FAM193A: variants seen among roughly 807,000 people sequenced by gnomAD.
FAM193A encodes protein FAM193A.
Under a neutral mutation model 126.5 loss-of-function variants are expected in FAM193A, and 22 were observed. That is an observed-to-expected ratio of 0.17 (90% CI 0.12 to 0.25). FAM193A has a LOEUF of 0.25. Among genes scored for constraint, FAM193A ranks in the 10% least tolerant of loss-of-function variants. FAM193A has a pLI of 1.00. For synonymous variants in FAM193A, 761 were observed against 646.8 expected, an observed-to-expected ratio of 1.18 and a Z score of -2.68; for missense variants, 1,675 against 1,672.8, an observed-to-expected ratio of 1.00 and a Z score of -0.02.
chr4:2,620,896 C>T (rs1052538714), intron 2 of FAM193A, among the ~76,000 whole-genome samples: 1 of 150,868 alleles, frequency 6.6e-6, no homozygotes, highest in African/African-American at 2.4e-5. Flanking sequence ...CACCCAGATC[C>T]GTGAAGTGAA....
chr4:2,579,782 A>AT (rs1739815193), intron 1 of FAM193A, among the ~76,000 whole-genome samples: 1 of 152,180 alleles, frequency 6.6e-6, no homozygotes, highest in South Asian at 2.1e-4. Flanking sequence ...AAAATAACAG[A>AT]TGGTGGTGAG....
intron 20 of FAM193A, among the ~76,000 whole-genome samples, chr4:2,721,671 G>A (rs188964810): frequency 7.0e-4 from 106 of 152,314 alleles, no homozygotes; most frequent in African/African-American, 2.1e-3. Flanking sequence ...GTGAAGCGAC[G>A]GGAGTCCCTA....
At chr4:2,596,396 G>A (rs959708819) in intron 2 of FAM193A, 67 bp downstream of exon 2, 4 of 666,522 alleles carry the variant, frequency 6.0e-6, no homozygotes, top group Non-Finnish European at 8.2e-6. Flanking sequence ...GGGGTAACTG[G>A]CAGTGAAAGA....
chr4:2,630,849 G>GTATCATTAAAA, intron 4 of FAM193A, 86 bp from the exon 5 acceptor site: 14 of 738,942 alleles, frequency 1.9e-5, no homozygotes, highest in Admixed American at 4.8e-5. Flanking sequence ...GCCACCTGTG[G>GTATCATTAAAA]AAGGGCTTCA....
intron 1 of FAM193A, among the ~76,000 whole-genome samples, chr4:2,546,776 G>C (rs1004949678): frequency 4.6e-5 from 7 of 152,078 alleles, no homozygotes; most frequent in African/African-American, 1.7e-4. Flanking sequence ...AATTTTCTAG[G>C]TAAATACCAA....
At chr4:2,621,180 T>C (rs1179908536) in intron 2 of FAM193A, among the ~76,000 whole-genome samples, 2 of 152,154 alleles carry the variant, frequency 1.3e-5, no homozygotes, top group Admixed American at 6.6e-5. Context: ...GGGAGACCCC[T>C]TCTTCTTCAC....
chr4:2,614,491 A>G (rs1742069563), intron 2 of FAM193A, among the ~76,000 whole-genome samples: 1 of 152,116 alleles, frequency 6.6e-6, no homozygotes, highest in African/African-American at 2.4e-5. Flanking sequence ...TCCTTTTGCT[A>G]GGTTGCTGGA....
At chr4:2,608,533 G>A (rs1192294855) in intron 2 of FAM193A, among the ~76,000 whole-genome samples, 1 of 152,092 alleles carries the variant, frequency 6.6e-6, no homozygotes, top group East Asian at 1.9e-4. Flanking sequence ...ATGAGCCAGG[G>A]GTAGTGGGAA....
At chr4:2,680,852 G>C (rs79750948) in intron 13 of FAM193A, among the ~76,000 whole-genome samples, 1 of 151,938 alleles carries the variant, frequency 6.6e-6, no homozygotes, top group Non-Finnish European at 1.5e-5. Context: ...ATGTTGGTCA[G>C]GCTGGTCTCG....
intron 1 of FAM193A, among the ~76,000 whole-genome samples, chr4:2,581,460 GCC>G (rs1028706645): frequency 2.0e-5 from 3 of 151,584 alleles, no homozygotes; most frequent in Middle Eastern, 6.4e-3. Flanking sequence ...TCACCATGTT[GCC>G]CAGGCTGATC....
intron 19 of FAM193A, among the ~76,000 whole-genome samples, chr4:2,703,266 A>C (rs899711602): frequency 6.6e-6 from 1 of 152,114 alleles, no homozygotes; most frequent in African/African-American, 2.4e-5. Context: ...TTCTGTTTTA[A>C]GGTGGAGTCT....
At chr4:2,562,946 C>CT (rs1442204683) in intron 1 of FAM193A, among the ~76,000 whole-genome samples, 2 of 145,400 alleles carry the variant, frequency 1.4e-5, no homozygotes, top group African/African-American at 2.5e-5. Context: ...TTCTTTCTTT[C>CT]TTTTTTTTGT....
chr4:2,546,886 T>C (rs549406052), intron 1 of FAM193A, among the ~76,000 whole-genome samples: 1 of 152,306 alleles, frequency 6.6e-6, no homozygotes, highest in African/African-American at 2.4e-5. Flanking sequence ...GTCTGAGAGT[T>C]CTGGTTGCTC....
At chr4:2,621,818 C>T (rs946657633) in intron 2 of FAM193A, among the ~76,000 whole-genome samples, 2 of 152,104 alleles carry the variant, frequency 1.3e-5, no homozygotes, top group South Asian at 2.1e-4. Flanking sequence ...TTGAAGGGAA[C>T]GGACTCGCTT....
At chr4:2,696,703 C>A (rs1400399717) in intron 18 of FAM193A, 110 bp downstream of exon 18, 3 of 756,508 alleles carry the variant, frequency 4.0e-6, no homozygotes, top group Admixed American at 2.6e-5. Context: ...GGGGCTCTGA[C>A]GTGTGTTCAC....
intron 1 of FAM193A, among the ~76,000 whole-genome samples, chr4:2,552,312 ATT>A (rs71178477): frequency 5.3e-5 from 8 of 150,944 alleles, no homozygotes; most frequent in South Asian, 2.1e-4. Flanking sequence ...CGCCCGGCTG[ATT>A]TTTTTTTGGT....
chr4:2,716,511 TCCGG>T (rs1719552988), intron 20 of FAM193A, among the ~76,000 whole-genome samples: 1 of 152,188 alleles, frequency 6.6e-6, no homozygotes, highest in Admixed American at 6.5e-5. Flanking sequence ...TTGACAGCCT[TCCGG>T]GTGACCCTCA....
intron 19 of FAM193A, among the ~76,000 whole-genome samples, chr4:2,710,848 TTTC>T (rs1232764388): frequency 8.7e-6 from 1 of 115,044 alleles, no homozygotes; most frequent in African/African-American, 3.2e-5. Flanking sequence ...CTTTCTGTGC[TTTC>T]TTTTTTTTTT....
At chr4:2,579,155 G>A (rs748140496) in intron 1 of FAM193A, among the ~76,000 whole-genome samples, 2 of 151,462 alleles carry the variant, frequency 1.3e-5, no homozygotes, top group South Asian at 2.1e-4. Context: ...TCACCACTAC[G>A]CCTGGCCAGC....
Sources: allele counts gnomAD v4.1 joint callset (sites outside exome capture counted in the v4.1 genomes callset), GRCh38; gene constraint gnomAD v4.1.1; transcripts MANE v1.5; gene names NCBI Gene and HGNC (gene_info 2026-07-23, HGNC 2026-07-21).